The following CNTRL variants were observed in gnomAD, a reference collection of about 807,000 sequenced individuals.
CNTRL encodes the protein centriolin.
CNTRL carries 233 observed loss-of-function variants against 303.7 expected under a neutral mutation model. The ratio of observed to expected loss-of-function variants is 0.77; its 90% CI spans 0.69 to 0.86. The LOEUF (loss-of-function observed/expected upper bound fraction) is 0.86, where lower values mean the gene tolerates loss of function less well. Among genes scored for constraint, CNTRL ranks in the 40% least tolerant of loss-of-function variants. The probability of loss-of-function intolerance (pLI) is 0.00; values close to 1 mark genes in which losing one functional copy is unlikely to be tolerated. For synonymous variants in CNTRL, 900 were observed against 922.2 expected, an observed-to-expected ratio of 0.98 and a Z score of 0.44; for missense variants, 2,524 against 2,650.6, an observed-to-expected ratio of 0.95 and a Z score of 1.05.
rs770648159 is a variant in CNTRL at position 121,094,871 on chromosome 9, CATTT to C, written c.349-16_349-13del. ...TCATCTGTTGTGTAAAGTATTCATT[CATTT>C]GTTTCCAATTAGTATATTGAGAATT... On this transcript the variant is annotated splice_polypyrimidine_tract_variant and intron_variant, in intron 4 of 43. Transcript: ENST00000373855. 555 of 1,516,296 alleles carry C rather than the reference CATTT, an allele frequency of 3.7e-4. 1 individual carries two copies. Among genetic ancestry groups the C allele is most frequent in the South Asian group, 1.2e-3 (99 of 82,340 alleles). 93.9% of individuals were successfully genotyped at this position (1,516,296 alleles called of 1,614,324 possible).
chr9:121,142,231 G>C lies in CNTRL; in HGVS notation c.2832G>C (p.Lys944Asn). 6.2e-7 allele frequency: 1 copy of C among 1,610,392 alleles called. No individual in the cohort carries two copies. The highest frequency in any genetic ancestry group is 8.5e-7 in the Non-Finnish European group (1 of 1,178,972). Reference protein sequence around the residue: ...DLQLQEADEEKERILAQLREL... With the variant: ...DLQLQEADEENERILAQLREL... ...AACTTCAGGAAGCTGATGAAGAGAA[G>C]GAGAGAATTCTGGCCCAACTCCGAG... The change falls in exon 19 of 44, where the codon AAG becomes AAC. Residue 944 changes from lysine (K) to asparagine (N), a missense_variant. Coordinates refer to ENST00000373855, the MANE Select transcript of CNTRL (RefSeq NM_007018.6).
intron 14 of CNTRL, among the ~76,000 whole-genome samples, chr9:121,128,015 G>A (rs1201211411): frequency 1.3e-5 from 2 of 152,058 alleles, no homozygotes; most frequent in Non-Finnish European, 2.9e-5. Flanking sequence ...TGGTTTATAT[G>A]TGCTGCATTT....
intron 2 of CNTRL, 93 bp from the exon 3 acceptor site, chr9:121,088,203 G>A (rs1009576589): frequency 1.5e-6 from 1 of 659,332 alleles, no homozygotes; most frequent in Non-Finnish European, 2.6e-6. Flanking sequence ...TGGCCTCTGA[G>A]TTTATAACTT....
chr9:121,124,968 T>G (rs902176581), intron 13 of CNTRL, among the ~76,000 whole-genome samples: 4 of 149,364 alleles, frequency 2.7e-5, no homozygotes, highest in Admixed American at 6.7e-5. Flanking sequence ...AAGAGAGAGA[T>G]AGTGTTCATA....
At chr9:121,147,085 T>C (rs7870738) in intron 23 of CNTRL, among the ~76,000 whole-genome samples, 106,053 of 152,110 alleles carry the variant, frequency 0.7, 37,473 homozygotes, top group East Asian at 0.96. Context: ...TCCTTGCAAC[T>C]GCTGCCTCCG....
At chr9:121,077,642 C>A (rs2047976513) in intron 1 of CNTRL, among the ~76,000 whole-genome samples, 1 of 152,144 alleles carries the variant, frequency 6.6e-6, no homozygotes, top group Non-Finnish European at 1.5e-5. Flanking sequence ...GGGTCTTGAT[C>A]ATTAGGATGT....
chr9:121,100,065 G>T (rs528825515), intron 7 of CNTRL, among the ~76,000 whole-genome samples: 2 of 152,094 alleles, frequency 1.3e-5, no homozygotes, highest in African/African-American at 4.8e-5. Flanking sequence ...AGAATGCCAC[G>T]AAGATACTCC....
At chr9:121,081,729 A>G (rs989408644) in intron 2 of CNTRL, among the ~76,000 whole-genome samples, 1 of 152,260 alleles carries the variant, frequency 6.6e-6, no homozygotes, top group Non-Finnish European at 1.5e-5. Flanking sequence ...CCAGCATGCC[A>G]TCTTCCAGAC....
Position 121,177,384 on chromosome 9 carries a change from T to C in CNTRL, c.*198T>C. 1 of 449,674 alleles carries C rather than the reference T, an allele frequency of 2.2e-6. No homozygotes were observed. Among genetic ancestry groups the C allele is most frequent in the East Asian group, 3.5e-5 (1 of 28,454 alleles). The allele number at this position is 449,674 out of a possible 1,614,324, so 27.9% of individuals were successfully genotyped here. A position where few individuals can be genotyped will look rare whatever the true frequency, so the allele number is the denominator to read the frequency against. Reference sequence around the variant, plus strand: ...TTGTACATAGTACATATGGGAATAGTTGCATATGGGAATTTAAACCAACAT... The same window carrying C: ...TTGTACATAGTACATATGGGAATAGCTGCATATGGGAATTTAAACCAACAT... On this transcript the variant is annotated 3_prime_UTR_variant, in exon 44 of 44. Coordinates refer to ENST00000373855, the MANE Select transcript of CNTRL (RefSeq NM_007018.6).
rs1015738028 is a variant in CNTRL, at chr9:121,096,548, C to A, written c.606C>A (p.Gly202=). The change falls in exon 6 of 44, where the codon GGC becomes GGA. Residue 202 remains glycine (G), a synonymous_variant. Transcript: ENST00000373855. ...CTTTGCGAGTCCTCAATTTGAAAGGCAACAAGATATCATCGGTAAGTTATT... is the reference window on the plus strand; with the variant it reads ...CTTTGCGAGTCCTCAATTTGAAAGGAAACAAGATATCATCGGTAAGTTATT... ...LKSLRVLNLK[G]NKISSLQDIS... 6.8e-7 allele frequency: 1 copy of A among 1,470,326 alleles called. No individual in the cohort carries two copies. The highest frequency in any genetic ancestry group is 9.1e-7 in the Non-Finnish European group (1 of 1,099,410). 91.1% of individuals were successfully genotyped at this position (1,470,326 alleles called of 1,614,324 possible). A position where few individuals can be genotyped will look rare whatever the true frequency, so the allele number is the denominator to read the frequency against.
chr9:121,106,061 G>A (rs1346338930), intron 7 of CNTRL, among the ~76,000 whole-genome samples: 1 of 152,046 alleles, frequency 6.6e-6, no homozygotes, highest in African/African-American at 2.4e-5. Context: ...AGTGGAGGCC[G>A]GGTGTAGCTG....
At chr9:121,141,741 C>T in intron 18 of CNTRL, 153 bp downstream of exon 18, 1 of 734,356 alleles carries the variant, frequency 1.4e-6, no homozygotes, top group South Asian at 1.8e-5. Flanking sequence ...TAAAACTCAA[C>T]CCTGAATGTG....
At chr9:121,150,959 A>T (rs1368979696) in intron 25 of CNTRL, among the ~76,000 whole-genome samples, 1 of 152,228 alleles carries the variant, frequency 6.6e-6, no homozygotes, top group Admixed American at 6.5e-5. Flanking sequence ...ACACATACAT[A>T]TATGTATAAT....
intron 14 of CNTRL, among the ~76,000 whole-genome samples, chr9:121,127,286 G>A (rs1386296511): frequency 6.6e-6 from 1 of 152,092 alleles, no homozygotes; most frequent in Non-Finnish European, 1.5e-5. Context: ...TGCAAACAAT[G>A]CTGAGCATAA....
intron 11 of CNTRL, 150 bp from the exon 12 acceptor site, chr9:121,118,196 T>C (rs997897822): frequency 2.2e-5 from 11 of 489,476 alleles, no homozygotes; most frequent in African/African-American, 1.6e-4. Context: ...ATATAAAATA[T>C]GCATGGAGTG....
intron 12 of CNTRL, chr9:121,121,643 G>A (rs574976234): frequency 5.3e-6 from 1 of 189,170 alleles, no homozygotes; most frequent in African/African-American, 2.4e-5. Flanking sequence ...GGAACGAGCT[G>A]TAGTGATCTG....
chr9:121,114,170 C>T (rs557128013), intron 10 of CNTRL, among the ~76,000 whole-genome samples: 8 of 152,292 alleles, frequency 5.3e-5, no homozygotes, highest in Non-Finnish European at 7.4e-5. Flanking sequence ...CCTGACATGC[C>T]CCATGCCCCA....
At position 121,074,975 on chromosome 9, in the gene CNTRL, A is replaced by G. The variant is rs1401987775; in HGVS notation, c.-297A>G. 4.4e-6 allele frequency: 2 copies of G among 455,576 alleles called. No homozygotes were observed. Among genetic ancestry groups the G allele is most frequent in the Non-Finnish European group, 8.8e-6 (2 of 226,674 alleles). The allele number at this position is 455,576 out of a possible 1,614,324, so 28.2% of individuals were successfully genotyped here. A position where few individuals can be genotyped will look rare whatever the true frequency, so the allele number is the denominator to read the frequency against. On this transcript the variant is annotated 5_prime_UTR_variant, in exon 1 of 44. The change abolishes an upstream ATG in the 5' untranslated region. Coordinates refer to ENST00000373855, the MANE Select transcript of CNTRL (RefSeq NM_007018.6). ...TCGGCAACCGGCACAACACAACAAAATGGCTGCCGCGCCGCTGGGCCCCTG... is the reference window on the plus strand; with the variant it reads ...TCGGCAACCGGCACAACACAACAAAGTGGCTGCCGCGCCGCTGGGCCCCTG...
chr9:121,172,811 G>A (rs999582976), intron 40 of CNTRL, among the ~76,000 whole-genome samples: 1 of 152,118 alleles, frequency 6.6e-6, no homozygotes, highest in African/African-American at 2.4e-5. Context: ...TGCCACTGAG[G>A]TGCTTCATGT....
Sources: gnomAD v4.1 joint callset for allele counts (sites outside exome capture counted in the v4.1 genomes callset) on GRCh38, gnomAD v4.1.1 for gene constraint, MANE v1.5 for transcripts, NCBI Gene and HGNC (gene_info 2026-07-23, HGNC 2026-07-21) for gene names.